The following MMP26 variants were observed in gnomAD, a reference collection of about 807,000 sequenced individuals.
MMP26 encodes the protein matrix metallopeptidase 26, also known as matrix metalloproteinase-26.
In MMP26, 33 loss-of-function variants were observed where a neutral mutation model predicts 31.0. The observed-to-expected ratio is 1.06, with a 90% CI of 0.81 to 1.42. The LOEUF (loss-of-function observed/expected upper bound fraction) is 1.42. Among genes scored for constraint, MMP26 ranks in the 40% most tolerant of loss-of-function variants. The pLI is 0.00. For synonymous variants in MMP26, 122 were observed against 114.9 expected, an observed-to-expected ratio of 1.06 and a Z score of -0.40; for missense variants, 347 against 316.1, an observed-to-expected ratio of 1.10 and a Z score of -0.74.
intron 2 of MMP26, among the ~76,000 whole-genome samples, chr11:4,963,624 G>T (rs1350018867): frequency 6.6e-6 from 1 of 152,112 alleles, no homozygotes; most frequent in African/African-American, 2.4e-5. Context: ...TTTATGACGT[G>T]TTATTTACAG....
intron 2 of MMP26, chr11:4,831,975 AAT>A (rs1849652353): frequency 6.6e-6 from 1 of 152,238 alleles, no homozygotes; most frequent in Non-Finnish European, 1.5e-5. Flanking sequence ...TACATAGGAA[AAT>A]ATATGTTATG....
intron 2 of MMP26, among the ~76,000 whole-genome samples, chr11:4,984,672 T>C (rs1268748647): frequency 6.6e-6 from 1 of 152,230 alleles, no homozygotes; most frequent in East Asian, 1.9e-4. Flanking sequence ...AGGGCTTCTT[T>C]ATATTTCATT....
intron 2 of MMP26, chr11:4,908,061 C>T (rs1205928869): frequency 1.9e-6 from 3 of 1,614,136 alleles, no homozygotes; most frequent in South Asian, 1.1e-5. Flanking sequence ...GCATCTTTGG[C>T]AGAGAGGCTT....
At position 4,848,614 on chromosome 11, in the gene MMP26, C is replaced by T. The variant is rs1439269302; in HGVS notation, c.-145+81273C>T. ...AGGCTGTAGGCTGCACCCCAAGCTT[C>T]TGGGCAGGCCAAACGAGCCACATCT... On this transcript the variant is annotated intron_variant, in intron 2 of 7. Transcript: ENST00000380390. The T allele has an allele frequency of 6.2e-6, 10 of 1,608,464 alleles. No homozygotes were observed. Among genetic ancestry groups the T allele is most frequent in the Non-Finnish European group, 8.5e-6 (10 of 1,177,330 alleles).
rs139208323 is a variant in MMP26 at position 4,952,890 on chromosome 11, T to C, written c.-144-35178T>C. Among the ~76,000 whole-genome samples, 46 of 125,174 alleles carry C rather than the reference T, an allele frequency of 3.7e-4. 9 individuals carry two copies. Among genetic ancestry groups the C allele is most frequent in the African/African-American group, 1.1e-3 (40 of 36,874 alleles). The allele number at this position is 125,174 out of a possible 152,430, so 82.1% of individuals were successfully genotyped here. A position where few individuals can be genotyped will look rare whatever the true frequency, so the allele number is the denominator to read the frequency against. ...TTGGGAGGTACTGTCAGCTGTGGGC[T>C]GATTATTTTTTTTAAGCATTTGACA... On this transcript the variant is annotated intron_variant, in intron 2 of 7. Coordinates refer to ENST00000380390, the MANE Select transcript of MMP26 (RefSeq NM_021801.5).
intron 2 of MMP26, among the ~76,000 whole-genome samples, chr11:4,885,628 C>T (rs1485548825): frequency 2.0e-5 from 3 of 151,942 alleles, no homozygotes; most frequent in Admixed American, 6.6e-5. Flanking sequence ...TGATGCATTT[C>T]TCAGAAAAAA....
chr11:4,794,623 CTA>C (rs1849079910), intron 2 of MMP26, among the ~76,000 whole-genome samples: 1 of 152,080 alleles, frequency 6.6e-6, no homozygotes, highest in African/African-American at 2.4e-5. Context: ...GGTATTTGAC[CTA>C]TGACCCAGGC....
chr11:4,939,152 T>G (rs1846172552), intron 2 of MMP26, among the ~76,000 whole-genome samples: 1 of 152,168 alleles, frequency 6.6e-6, no homozygotes, highest in African/African-American at 2.4e-5. Flanking sequence ...GATGTCTATC[T>G]TCTCCCTTAA....
intron 2 of MMP26, among the ~76,000 whole-genome samples, chr11:4,836,251 A>T (rs1849717486): frequency 6.6e-6 from 1 of 152,044 alleles, no homozygotes; most frequent in Non-Finnish European, 1.5e-5. Context: ...TCCTAAAAAG[A>T]TCTGCAAAGC....
chr11:4,839,410 C>T (rs1298826047), intron 2 of MMP26, among the ~76,000 whole-genome samples: 1 of 151,458 alleles, frequency 6.6e-6, no homozygotes, highest in African/African-American at 2.4e-5. Context: ...CTGCATAGCT[C>T]ATGGCACCAA....
chr11:4,958,977 G>A (rs565809593), intron 2 of MMP26, among the ~76,000 whole-genome samples: 126 of 152,182 alleles, frequency 8.3e-4, no homozygotes, highest in African/African-American at 2.8e-3. Context: ...GGTGGCTCAC[G>A]CCTGTAATCC....
At chr11:4,813,901 T>C (rs1333999982) in intron 2 of MMP26, among the ~76,000 whole-genome samples, 1 of 152,010 alleles carries the variant, frequency 6.6e-6, no homozygotes, top group Admixed American at 6.6e-5. Context: ...TCACAATGCA[T>C]ATATCTGACA....
At chr11:4,709,722 A>G (rs1052908294) in intron 1 of MMP26, 3 of 460,420 alleles carry the variant, frequency 6.5e-6, no homozygotes, top group Admixed American at 4.7e-5. Context: ...GTTTGTCATC[A>G]TCACTGAGTC....
chr11:4,886,213 G>A, intron 2 of MMP26, among the ~76,000 whole-genome samples: 1 of 152,046 alleles, frequency 6.6e-6, no homozygotes, highest in East Asian at 1.9e-4. Flanking sequence ...AAATTTAGAA[G>A]GAGGCAAAAT....
At chr11:4,938,793 T>C (rs940393596) in intron 2 of MMP26, among the ~76,000 whole-genome samples, 3 of 152,122 alleles carry the variant, frequency 2.0e-5, no homozygotes, top group African/African-American at 4.8e-5. Flanking sequence ...GGATGAACAT[T>C]TGAAGTAATG....
chr11:4,877,034 C>T (rs1850389541), intron 2 of MMP26: 2 of 152,754 alleles, frequency 1.3e-5, no homozygotes, highest in Non-Finnish European at 2.9e-5. Flanking sequence ...GGGCTGTGCT[C>T]CCTGTGCCTT....
chr11:4,882,800 AT>A (rs775196985), intron 2 of MMP26: 46 of 1,613,682 alleles, frequency 2.9e-5, no homozygotes, highest in Middle Eastern at 3.3e-4. Context: ...GACCAAGACA[AT>A]CCGCCAGGCT....
At chr11:4,919,535 AC>A (rs1303961478) in intron 2 of MMP26, among the ~76,000 whole-genome samples, 4 of 152,238 alleles carry the variant, frequency 2.6e-5, no homozygotes, top group African/African-American at 9.6e-5. Flanking sequence ...CTTGTGAGAT[AC>A]CAGGATGGAA....
At chr11:4,838,135 G>A (rs891654254) in intron 2 of MMP26, among the ~76,000 whole-genome samples, 3 of 150,638 alleles carry the variant, frequency 2.0e-5, no homozygotes, top group African/African-American at 7.3e-5. Context: ...GGCTAACACA[G>A]TGAAACCCTG....
Sources: gnomAD v4.1 joint callset for allele counts (sites outside exome capture counted in the v4.1 genomes callset) on GRCh38, gnomAD v4.1.1 for gene constraint, MANE v1.5 for transcripts, NCBI Gene and HGNC (gene_info 2026-07-23, HGNC 2026-07-21) for gene names.